ADCY5: variants seen among roughly 807,000 people sequenced by gnomAD.
ADCY5 encodes the protein adenylate cyclase 5.
ADCY5 carries 30 observed loss-of-function variants against 119.7 expected under a neutral mutation model. That is an observed-to-expected ratio of 0.25 (90% CI 0.19 to 0.34). ADCY5 has a LOEUF of 0.34. Among genes scored for constraint, ADCY5 ranks in the 10% least tolerant of loss-of-function variants. The pLI, the probability that ADCY5 is intolerant of heterozygous loss-of-function variation, is 1.00. For missense variants in ADCY5, 1,324 were observed against 1,775.2 expected (o/e 0.75, Z 4.57); for synonymous variants, 753 against 762.2 (o/e 0.99, Z 0.20).
chr3:123,344,409 C>A (rs191132907), intron 3 of ADCY5, among the ~76,000 whole-genome samples: 123 of 152,306 alleles, frequency 8.1e-4, no homozygotes, highest in African/African-American at 3.0e-3. Context: ...AATGGCAGCT[C>A]ACAATTACCG....
chr3:123,373,951 A>C (rs1943734964), intron 1 of ADCY5, among the ~76,000 whole-genome samples: 1 of 152,206 alleles, frequency 6.6e-6, no homozygotes. Flanking sequence ...TCTAGTGATC[A>C]TATGGTCAAC....
At chr3:123,359,489 G>A (rs982186334) in intron 1 of ADCY5, among the ~76,000 whole-genome samples, 10 of 151,122 alleles carry the variant, frequency 6.6e-5, no homozygotes, top group Non-Finnish European at 1.3e-4. Flanking sequence ...CCAAGCTCCT[G>A]CCCACTCTTC....
intron 3 of ADCY5, among the ~76,000 whole-genome samples, chr3:123,347,526 C>T (rs781043440): frequency 3.3e-5 from 5 of 152,118 alleles, no homozygotes; most frequent in Non-Finnish European, 5.9e-5. Flanking sequence ...CTCCTTTCTC[C>T]TCCTCCTGTT....
In ADCY5 at chr3:123,343,082, G is replaced by A. The variant is rs75220436; in HGVS notation, c.1406+4700C>T. On this transcript the variant is annotated intron_variant, in intron 3 of 20. Coordinates refer to ENST00000462833, the MANE Select transcript of ADCY5 (RefSeq NM_183357.3). The stretch of plus-strand genomic sequence containing the variant: ...TGATAACAGAACAATAGAGCAGTAC[G>A]TTGTCTAACATTAATACCCTGTGAA... 9.7e-3 allele frequency among the ~76,000 whole-genome samples: 1,470 copies of A among 152,304 alleles called. 28 individuals are homozygous for A. The highest frequency in any genetic ancestry group is 0.033 in the African/African-American group (1,377 of 41,536).
intron 5 of ADCY5, among the ~76,000 whole-genome samples, chr3:123,330,222 G>C (rs1941699701): frequency 6.6e-6 from 1 of 152,206 alleles, no homozygotes; most frequent in Admixed American, 6.5e-5. Flanking sequence ...CTCTGACCTT[G>C]CCCTCTGTGC....
intron 1 of ADCY5, among the ~76,000 whole-genome samples, chr3:123,424,392 A>T (rs532559219): frequency 2.0e-5 from 3 of 152,254 alleles, no homozygotes; most frequent in Admixed American, 2.0e-4. Context: ...TCAGGCAGAG[A>T]AGCAGACCTT....
At chr3:123,406,512 A>G (rs891673766) in intron 1 of ADCY5, among the ~76,000 whole-genome samples, 5 of 152,218 alleles carry the variant, frequency 3.3e-5, no homozygotes, top group Non-Finnish European at 5.9e-5. Context: ...CCAGGCAGTC[A>G]CAGAGATTAT....
intron 3 of ADCY5, among the ~76,000 whole-genome samples, chr3:123,337,900 T>C (rs2108437937): frequency 6.6e-6 from 1 of 152,316 alleles, no homozygotes; most frequent in Admixed American, 6.5e-5. Context: ...TAACTCCAAA[T>C]TGTGAGCTCT....
At chr3:123,388,637 G>T (rs1454882976) in intron 1 of ADCY5, among the ~76,000 whole-genome samples, 1 of 152,110 alleles carries the variant, frequency 6.6e-6, no homozygotes, top group African/African-American at 2.4e-5. Context: ...TGGAGCCCTG[G>T]GAAAAACAAA....
chr3:123,300,454 C>G (rs1469405755), intron 14 of ADCY5, among the ~76,000 whole-genome samples, 159 bp from the exon 15 acceptor site: 1 of 152,230 alleles, frequency 6.6e-6, no homozygotes, highest in African/African-American at 2.4e-5. Flanking sequence ...AAGTGAAGGG[C>G]CCTGGTTAGG....
At chr3:123,324,714 G>T (rs1941390623) in intron 8 of ADCY5, among the ~76,000 whole-genome samples, 2 of 152,124 alleles carry the variant, frequency 1.3e-5, no homozygotes, top group South Asian at 4.2e-4. Flanking sequence ...GTGTAGGCAG[G>T]GTCCCTGGAG....
intron 1 of ADCY5, chr3:123,368,028 C>T (rs1323829593): frequency 6.5e-5 from 96 of 1,479,258 alleles, no homozygotes; most frequent in Non-Finnish European, 2.7e-6. Flanking sequence ...AGCAGGGATC[C>T]AGGGGCCCCA....
At chr3:123,346,714 C>T (rs1027467209) in intron 3 of ADCY5, among the ~76,000 whole-genome samples, 2 of 151,874 alleles carry the variant, frequency 1.3e-5, no homozygotes, top group Non-Finnish European at 2.9e-5. Context: ...TTCTTGAAAA[C>T]GCAGGCCAAG....
At chr3:123,424,521 C>T (rs1304382487) in intron 1 of ADCY5, among the ~76,000 whole-genome samples, 1 of 152,250 alleles carries the variant, frequency 6.6e-6, no homozygotes, top group Non-Finnish European at 1.5e-5. Flanking sequence ...GCACAGTCCT[C>T]TCACACATGA....
At chr3:123,416,173 A>G in intron 1 of ADCY5, 2 of 1,536,078 alleles carry the variant, frequency 1.3e-6, no homozygotes, top group East Asian at 2.4e-5. Flanking sequence ...TGAGGTGGCC[A>G]TGACACTCAC....
chr3:123,316,003 C>T (rs1337337213), intron 11 of ADCY5, among the ~76,000 whole-genome samples: 1 of 152,068 alleles, frequency 6.6e-6, no homozygotes, highest in African/African-American at 2.4e-5. Context: ...GTGGAGCTGG[C>T]TGCCAGTGCC....
intron 3 of ADCY5, among the ~76,000 whole-genome samples, chr3:123,341,972 G>A (rs1365337933): frequency 1.3e-5 from 2 of 152,106 alleles, no homozygotes; most frequent in Admixed American, 1.3e-4. Context: ...TGCCCAGGCT[G>A]GAGTAGCAGC....
intron 11 of ADCY5, among the ~76,000 whole-genome samples, chr3:123,316,776 A>AT (rs1362266256): frequency 7.9e-5 from 12 of 152,084 alleles, no homozygotes; most frequent in Non-Finnish European, 1.2e-4. Flanking sequence ...TTTGATGTTA[A>AT]TTTTTTTGGT....
chr3:123,322,201 G>A (rs2108356521), intron 8 of ADCY5, among the ~76,000 whole-genome samples: 1 of 152,368 alleles, frequency 6.6e-6, no homozygotes, highest in East Asian at 1.9e-4. Context: ...CCCCCTGCGA[G>A]GGGTTGGCCC....
Sources: allele counts gnomAD v4.1 joint callset (sites outside exome capture counted in the v4.1 genomes callset), GRCh38; gene constraint gnomAD v4.1.1; transcripts MANE v1.5; gene names NCBI Gene and HGNC (gene_info 2026-07-23, HGNC 2026-07-21).